The following RTF2 variants were observed in gnomAD, a reference collection of about 807,000 sequenced individuals.
RTF2 encodes the protein UPF0549 protein C20orf43.
Under a neutral mutation model 38.0 loss-of-function variants are expected in RTF2, and 18 were observed. That is an observed-to-expected ratio of 0.47 (90% confidence interval 0.33 to 0.70). The LOEUF (loss-of-function observed/expected upper bound fraction) is 0.70, where lower values mean the gene tolerates loss of function less well. Among genes scored for constraint, RTF2 ranks in the 30% least tolerant of loss-of-function variants. The pLI is 0.02. For synonymous variants in RTF2, 126 were observed against 137.1 expected (o/e 0.92, Z 0.57); for missense variants, 311 against 379.6 (o/e 0.82, Z 1.50).
intron 5 of RTF2, among the ~76,000 whole-genome samples, chr20:56,492,490 C>T (rs957353552): frequency 8.0e-5 from 12 of 150,192 alleles, no homozygotes; most frequent in African/African-American, 1.5e-4. Flanking sequence ...GAGGCCGAGG[C>T]GGGAGAATGA....
intron 6 of RTF2, chr20:56,513,650 C>T: frequency 2.2e-6 from 1 of 447,996 alleles, no homozygotes; most frequent in Non-Finnish European, 4.1e-6. Context: ...GCTTTCTCAT[C>T]AGTGAAGTGG....
intron 1 of RTF2, among the ~76,000 whole-genome samples, chr20:56,471,425 G>C (rs557702293): frequency 6.6e-6 from 1 of 152,064 alleles, no homozygotes; most frequent in Admixed American, 6.5e-5. Context: ...AAAAGTTGCC[G>C]GGCATGGTGG....
chr20:56,470,070 C>G (rs1327758433), intron 1 of RTF2, among the ~76,000 whole-genome samples: 1 of 152,140 alleles, frequency 6.6e-6, no homozygotes, highest in Non-Finnish European at 1.5e-5. Flanking sequence ...CCTCTGTAAC[C>G]CCTACCATGT....
At chr20:56,480,294 ACTT>A (rs1982467968) in intron 4 of RTF2, among the ~76,000 whole-genome samples, 1 of 152,092 alleles carries the variant, frequency 6.6e-6, no homozygotes, top group African/African-American at 2.4e-5. Flanking sequence ...TCATGAACCA[ACTT>A]CTTCCAGTTT....
chr20:56,508,423 A>G (rs1318028403), intron 5 of RTF2, among the ~76,000 whole-genome samples: 1 of 152,184 alleles, frequency 6.6e-6, no homozygotes, highest in Admixed American at 6.5e-5. Flanking sequence ...CCAGTTGTTG[A>G]AAGAATTTTG....
intron 8 of RTF2, 81 bp downstream of exon 8, chr20:56,517,282 G>C (rs1985110866): frequency 1.8e-6 from 2 of 1,108,372 alleles, no homozygotes; most frequent in Non-Finnish European, 2.7e-6. Flanking sequence ...CACTGGAGTG[G>C]GTGGATGGGA....
chr20:56,474,295 A>G (rs968772349), intron 2 of RTF2, among the ~76,000 whole-genome samples: 1 of 152,034 alleles, frequency 6.6e-6, no homozygotes, highest in Admixed American at 6.6e-5. Context: ...AGCCTGGCCA[A>G]TATGGTGAAA....
In RTF2 at chr20:56,473,410, C is replaced by T; in HGVS notation, c.164+15C>T. 2 of 1,550,788 alleles carry T rather than the reference C, an allele frequency of 1.3e-6. No individual in the cohort carries two copies. The highest frequency in any genetic ancestry group is 8.9e-7 in the Non-Finnish European group (1 of 1,128,464). The stretch of plus-strand genomic sequence containing the variant: ...GAACTTGGCAGGTATGGTTTTTACA[C>T]TTAATCAAGATGAGTTTGTTAAGTG... On this transcript the variant is annotated intron_variant, in intron 2 of 8. Transcript: ENST00000357348.
chr20:56,498,619 A>G (rs1015697051), intron 5 of RTF2, among the ~76,000 whole-genome samples: 5 of 152,254 alleles, frequency 3.3e-5, no homozygotes, highest in African/African-American at 1.2e-4. Context: ...ACAGAGGTAC[A>G]TGAATAGGTG....
At chr20:56,471,297 G>C (rs1366753592) in intron 1 of RTF2, among the ~76,000 whole-genome samples, 1 of 152,176 alleles carries the variant, frequency 6.6e-6, no homozygotes, top group African/African-American at 2.4e-5. Context: ...GGCCAGGCGC[G>C]GTGGCTCACG....
intron 6 of RTF2, among the ~76,000 whole-genome samples, chr20:56,514,580 AATC>A (rs1984899839): frequency 1.3e-5 from 2 of 152,170 alleles, no homozygotes; most frequent in African/African-American, 4.8e-5. Flanking sequence ...GTTTTTAAAA[AATC>A]ATAACAAGAC....
chr20:56,495,427 C>T, intron 5 of RTF2: 2 of 723,250 alleles, frequency 2.8e-6, no homozygotes, highest in Non-Finnish European at 4.7e-6. Flanking sequence ...AGGGGAAAGT[C>T]CAACCTTCCT....
intron 5 of RTF2, chr20:56,495,357 A>C (rs1352304753): frequency 8.3e-5 from 108 of 1,293,704 alleles, no homozygotes; most frequent in Non-Finnish European, 3.8e-5. Context: ...CTTTTAGTAC[A>C]AGTTCTTCTG....
chr20:56,488,021 A>C (rs957775687), intron 5 of RTF2, among the ~76,000 whole-genome samples: 1 of 152,156 alleles, frequency 6.6e-6, no homozygotes, highest in Non-Finnish European at 1.5e-5. Flanking sequence ...TGGATTTTGC[A>C]GGGGGGCATA....
At chr20:56,472,505 A>C in intron 1 of RTF2, 1 of 707,410 alleles carries the variant, frequency 1.4e-6, no homozygotes, top group Non-Finnish European at 2.5e-6. Context: ...CTTAGTGAAT[A>C]AGCCCCAAAA....
At chr20:56,474,573 C>CTGATAATACATTA in intron 2 of RTF2, 105 bp from the exon 3 acceptor site, 1 of 643,404 alleles carries the variant, frequency 1.6e-6, no homozygotes, top group Non-Finnish European at 2.6e-6. Flanking sequence ...GGGTATTTCT[C>CTGATAATACATTA]TTATCAAATG....
chr20:56,481,636 C>T (rs1267114980), intron 4 of RTF2, among the ~76,000 whole-genome samples: 4 of 152,114 alleles, frequency 2.6e-5, no homozygotes, highest in African/African-American at 4.8e-5. Flanking sequence ...CACATATACA[C>T]ACACGTATGT....
intron 2 of RTF2, among the ~76,000 whole-genome samples, chr20:56,473,892 A>G (rs1389189439): frequency 6.6e-6 from 1 of 152,148 alleles, no homozygotes; most frequent in Non-Finnish European, 1.5e-5. Flanking sequence ...CTCAGGGGCC[A>G]ATAGAAGCTA....
chr20:56,482,457 C>T (rs982774207), intron 4 of RTF2, among the ~76,000 whole-genome samples: 4 of 152,192 alleles, frequency 2.6e-5, no homozygotes, highest in South Asian at 2.1e-4. Context: ...ATTTTTGATC[C>T]GGTTTGGTTG....
Sources: gnomAD v4.1 joint callset for allele counts (sites outside exome capture counted in the v4.1 genomes callset) on GRCh38, gnomAD v4.1.1 for gene constraint, MANE v1.5 for transcripts, NCBI Gene and HGNC (gene_info 2026-07-23, HGNC 2026-07-21) for gene names.